The following HCN4 variants were observed in gnomAD, a reference collection of about 807,000 sequenced individuals.
HCN4 encodes the protein hyperpolarization activated cyclic nucleotide gated potassium channel 4, also known as potassium/sodium hyperpolarization-activated cyclic nucleotide-gated channel 4.
Under a neutral mutation model 76.9 loss-of-function variants are expected in HCN4, and 29 were observed. That is an observed-to-expected ratio of 0.38 (90% CI 0.28 to 0.51). The LOEUF is 0.51. HCN4 is among the 20% of genes least tolerant of loss of function. The pLI is 0.90. For missense variants in HCN4, 1,416 were observed against 1,715.2 expected, an observed-to-expected ratio of 0.83 and a Z score of 3.08; for synonymous variants, 772 against 762.5, an observed-to-expected ratio of 1.01 and a Z score of -0.21.
intron 6 of HCN4, among the ~76,000 whole-genome samples, chr15:73,324,628 T>A (rs977128896): frequency 6.6e-6 from 1 of 152,156 alleles, no homozygotes; most frequent in African/African-American, 2.4e-5. Context: ...CTCATCCTCC[T>A]TCTGCCACAT....
intron 1 of HCN4, among the ~76,000 whole-genome samples, chr15:73,356,010 ATTG>A (rs1261927445): frequency 6.6e-6 from 1 of 152,100 alleles, no homozygotes; most frequent in Non-Finnish European, 1.5e-5. Context: ...CACTCAGGAG[ATTG>A]GAGCAAAAAT....
In HCN4 at chr15:73,322,324, G is replaced by A; in HGVS notation, c.*157C>T. ...AGTGACCAAAAATCTATAGCTCTAA[G>A]AATACCTGGTTATTTTCTGCTGTCT... is the stretch of plus-strand genomic sequence containing the variant. On this transcript the variant is annotated 3_prime_UTR_variant, in exon 8 of 8. Transcript: ENST00000261917. 1 of 649,698 alleles carries A rather than the reference G, an allele frequency of 1.5e-6. No individual in the cohort carries two copies. The highest frequency in any genetic ancestry group is 1.6e-5 in the South Asian group (1 of 61,660). The allele number at this position is 649,698 out of a possible 1,614,324, so 40.2% of individuals were successfully genotyped here. A position where few individuals can be genotyped will look rare whatever the true frequency, so the allele number is the denominator to read the frequency against.
chr15:73,331,904 G>A (rs1029086646), intron 3 of HCN4, among the ~76,000 whole-genome samples: 3 of 152,208 alleles, frequency 2.0e-5, no homozygotes, highest in Non-Finnish European at 2.9e-5. Context: ...AATGGAGGCT[G>A]TGAGAAGATG....
chr15:73,336,485 T>C (rs1319399276), intron 2 of HCN4, among the ~76,000 whole-genome samples: 1 of 152,128 alleles, frequency 6.6e-6, no homozygotes, highest in South Asian at 2.1e-4. Context: ...GACACACAGG[T>C]GGACTCAGAG....
rs111508504 is a variant in HCN4 at position 73,332,067 on chromosome 15, C to T, written c.1371+64G>A. 625 of 1,541,166 alleles carry T rather than the reference C, an allele frequency of 4.1e-4. 4 individuals carry two copies. In the African/African-American group the frequency reaches 7.3e-3, roughly 18 times the overall value. On this transcript the variant is annotated intron_variant, in intron 3 of 7. Coordinates refer to ENST00000261917, the MANE Select transcript of HCN4 (RefSeq NM_005477.3). ...ACTCAGAAGTTCCAAGTCCACATCT[C>T]GCCACCCTACCTCTGGAGAGCCCGC...
At chr15:73,359,697 C>T (rs1412495237) in intron 1 of HCN4, among the ~76,000 whole-genome samples, 1 of 152,230 alleles carries the variant, frequency 6.6e-6, no homozygotes, top group East Asian at 1.9e-4. Context: ...CACTGAGCCC[C>T]GACCATTGTC....
rs1478409191 is a variant in HCN4 at position 73,323,549 on chromosome 15, C to T, written c.2544G>A (p.Gln848=). 2 of 1,600,882 alleles carry T rather than the reference C, an allele frequency of 1.2e-6. No homozygotes were observed. The highest frequency in any genetic ancestry group is 1.7e-6 in the Non-Finnish European group (2 of 1,179,848). The change falls in exon 8 of 8, where the codon CAG becomes CAA. Residue 848 remains glutamine (Q), a synonymous_variant. Transcript: ENST00000261917. ...GSASPASSPS[Q]VDTPSSSSFH... is the part of the protein sequence containing the mutation. ...AGGAGGATGAAGACGGTGTGTCCAC[C>T]TGGGACGGGCTGCTGGCGGGCGAGG...
rs1284626768 is a variant in HCN4 at position 73,343,362 on chromosome 15, A to G, written c.1209+23T>C. 5 of 1,612,204 alleles carry G rather than the reference A, an allele frequency of 3.1e-6. No individual in the cohort carries two copies. Among genetic ancestry groups the G allele is most frequent in the Middle Eastern group, 1.7e-4 (1 of 6,060 alleles). ...TCTGTGGGGAGTGGCCTTTCCCCCA[A>G]GAGGTTTGCACTGACCACTTACCTC... On this transcript the variant is annotated intron_variant, in intron 2 of 7. Coordinates refer to ENST00000261917, the MANE Select transcript of HCN4 (RefSeq NM_005477.3). This position sits in a 1 kb window ranked among gnomAD's most constrained non-coding sequence, Gnocchi z 5.7.
chr15:73,330,615 T>A (rs2042927270), intron 3 of HCN4, among the ~76,000 whole-genome samples: 1 of 152,166 alleles, frequency 6.6e-6, no homozygotes, highest in Admixed American at 6.5e-5. Flanking sequence ...ACCTCCCTGG[T>A]GTCTTTCTGC....
In HCN4 at chr15:73,325,363, G is replaced by A; in HGVS notation, c.1672C>T (p.Arg558Cys). The A allele has an allele frequency of 1.2e-6, 2 of 1,614,130 alleles. No individual in the cohort carries two copies. The highest frequency in any genetic ancestry group is 1.7e-6 in the Non-Finnish European group (2 of 1,179,998). ...TCGTCGAACATCTTGCCCTGGTAGC[G>A]GTGCTCGTAGTAGTCGTGGATGCGC... ...RQRIHDYYEHRYQGKMFDEES... is the reference protein window; with the variant it reads ...RQRIHDYYEHCYQGKMFDEES... The change falls in exon 5 of 8, where the codon CGC becomes TGC. Residue 558 changes from arginine to cysteine, a missense_variant. Around this residue, in one of 6 missense-constraint regions of HCN4, gnomAD observed 241 missense variants for 379.4 expected, o/e 0.64. Transcript: ENST00000261917. This position sits in a 1 kb window ranked among gnomAD's most constrained non-coding sequence, Gnocchi z 7.4.
chr15:73,325,062 C>T lies in HCN4; in HGVS notation c.1871G>A (p.Arg624Gln), dbSNP rs763842368. The change falls in exon 6 of 8, where the codon CGG (arginine) becomes CAG (glutamine). Residue 624 changes from arginine (R) to glutamine (Q), a missense_variant. Arg to Gln is a conservative substitution (Grantham distance 43). Coordinates refer to ENST00000261917, the MANE Select transcript of HCN4 (RefSeq NM_005477.3). The surrounding 1 kb of genome is among the most constrained non-coding windows in gnomAD (Gnocchi z 7.4). ...CATCTTCTTGCCAATGGTGCCTTCC[C>T]GGATGATGTAGTCCCCAGGCTGGAA... The part of the protein sequence containing the change: ...EVFQPGDYII[R>Q]EGTIGKKMYF... 7.4e-6 allele frequency: 12 copies of T among 1,614,224 alleles called. No homozygotes were observed. The highest frequency in any genetic ancestry group is 2.2e-5 in the East Asian group (1 of 44,872).
chr15:73,346,732 A>G (rs943445047), intron 1 of HCN4, among the ~76,000 whole-genome samples: 1 of 152,186 alleles, frequency 6.6e-6, no homozygotes, highest in Admixed American at 6.5e-5. Flanking sequence ...TATCCATAAA[A>G]ATGGGATCCC....
intron 1 of HCN4, among the ~76,000 whole-genome samples, chr15:73,358,202 C>T (rs1300299939): frequency 1.3e-5 from 2 of 152,186 alleles, no homozygotes; most frequent in Non-Finnish European, 2.9e-5. Context: ...CCGGCCCCCA[C>T]ACTGCAGGAA....
chr15:73,322,026 T>C lies in HCN4; in HGVS notation c.*455A>G, dbSNP rs1414953574. 4 of 197,228 alleles carry C rather than the reference T, an allele frequency of 2.0e-5. No homozygotes were observed. Among genetic ancestry groups the C allele is most frequent in the African/African-American group, 4.7e-5 (2 of 42,120 alleles). The allele number at this position is 197,228 out of a possible 1,614,324, so 12.2% of individuals were successfully genotyped here. A position where few individuals can be genotyped will look rare whatever the true frequency, so the allele number is the denominator to read the frequency against. On this transcript the variant is annotated 3_prime_UTR_variant, in exon 8 of 8. Transcript: ENST00000261917. ...CTTTTCTCCCAAGGTCGCAGGCTTCTGAGGCTCCCCAGGGCACACCCCAGG... is the reference window on the plus strand; with the variant it reads ...CTTTTCTCCCAAGGTCGCAGGCTTCCGAGGCTCCCCAGGGCACACCCCAGG...
In HCN4 at chr15:73,343,840, AAGAG is replaced by A; in HGVS notation, c.786-36_786-33del. 6.2e-7 allele frequency: 1 copy of A among 1,610,398 alleles called. No homozygotes were observed. The highest frequency in any genetic ancestry group is 8.5e-7 in the Non-Finnish European group (1 of 1,177,562). On this transcript the variant is annotated intron_variant, in intron 1 of 7. Transcript: ENST00000261917. The surrounding 1 kb of genome is among the most constrained non-coding windows in gnomAD (Gnocchi z 5.7). ...AGAGACACAGGGGTCAGTCGCCAGG[AAGAG>A]AGAGAGGACAAGTTACAGACTAAGG...
intron 1 of HCN4, among the ~76,000 whole-genome samples, chr15:73,364,595 C>T (rs2043120365): frequency 6.6e-6 from 1 of 152,098 alleles, no homozygotes. Context: ...CCTTAACACA[C>T]CACAAATACA....
At chr15:73,366,999 G>A (rs544719296) in intron 1 of HCN4, among the ~76,000 whole-genome samples, 17 of 152,290 alleles carry the variant, frequency 1.1e-4, no homozygotes, top group Admixed American at 5.9e-4. Context: ...CCAGGGACCC[G>A]GCCGCAGCTT....
rs568307089 is a variant in HCN4 at position 73,330,683 on chromosome 15, T to C, written c.1372-892A>G. 2.0e-5 allele frequency among the ~76,000 whole-genome samples: 3 copies of C among 152,134 alleles called. No individual in the cohort carries two copies. In the South Asian group the frequency reaches 6.3e-4, roughly 32 times the overall value. ...AACCTACCCAGGCCCACAGAGCACC[T>C]GCCAGAGGCCCAGCCCCCAGGGGAA... is the stretch of plus-strand genomic sequence containing the variant. On this transcript the variant is annotated intron_variant, in intron 3 of 7. Coordinates refer to ENST00000261917, the MANE Select transcript of HCN4 (RefSeq NM_005477.3).
At chr15:73,327,123 T>A (rs1176235265) in intron 4 of HCN4, among the ~76,000 whole-genome samples, 1 of 150,636 alleles carries the variant, frequency 6.6e-6, no homozygotes, top group Non-Finnish European at 1.5e-5. Flanking sequence ...TTTTTTTTTT[T>A]TGAGATGGAG....
Sources: gnomAD v4.1 joint callset for allele counts (sites outside exome capture counted in the v4.1 genomes callset) on GRCh38, gnomAD v4.1.1 for gene constraint, gnomAD v4.1.1 regional missense constraint, Gnocchi (gnomAD v3.1) non-coding constraint, MANE v1.5 for transcripts, NCBI Gene and HGNC (gene_info 2026-07-23, HGNC 2026-07-21) for gene names.